Variants in TMEM116 observed in about 807,000 individuals in gnomAD.
The protein encoded by TMEM116 is transmembrane protein 116.
TMEM116 carries 38 observed loss-of-function variants against 44.3 expected under a neutral mutation model. That is an observed-to-expected ratio of 0.86 (90% confidence interval 0.66 to 1.12). The LOEUF (loss-of-function observed/expected upper bound fraction) is 1.12, where lower values mean the gene tolerates loss of function less well. TMEM116 is among the 50% of genes most tolerant of loss of function. The pLI, the probability that TMEM116 is intolerant of heterozygous loss-of-function variation, is 0.00. For synonymous variants in TMEM116, 132 were observed against 144.8 expected (o/e 0.91, Z 0.64); for missense variants, 354 against 401.7 (o/e 0.88, Z 1.01).
rs767591604 is a variant in TMEM116, at chr12:112,005,237, A to G, written c.14+20T>C. On this transcript the variant is annotated intron_variant, in intron 2 of 10. Transcript: ENST00000552374. ...ACTTTGCTTATACTAGTTTAGTTAT[A>G]TGAGATTAAATAAACATACCTCAGA... 5 of 1,374,088 alleles carry G rather than the reference A, an allele frequency of 3.6e-6. No homozygotes were observed. The South Asian group carries it at 8.5e-5, about 23-fold the overall frequency. The allele number at this position is 1,374,088 out of a possible 1,614,324, so 85.1% of individuals were successfully genotyped here. A position where few individuals can be genotyped will look rare whatever the true frequency, so the allele number is the denominator to read the frequency against.
At chr12:111,954,843 C>G (rs768665599) in intron 4 of TMEM116, among the ~76,000 whole-genome samples, 5 of 152,226 alleles carry the variant, frequency 3.3e-5, no homozygotes, top group Admixed American at 6.5e-5. Flanking sequence ...GAAAGGCTGA[C>G]TGGGACAGTG....
At position 111,931,318 on chromosome 12, in the gene TMEM116, A is replaced by AT; in HGVS notation, c.*302dup. 1 of 322,512 alleles carries AT rather than the reference A, an allele frequency of 3.1e-6. No individual in the cohort carries two copies. Among genetic ancestry groups the AT allele is most frequent in the Non-Finnish European group, 5.7e-6 (1 of 175,362 alleles). 20.0% of individuals were successfully genotyped at this position (322,512 alleles called of 1,614,324 possible). ...ACATATAAATAATAATCTAGAATTT[A>AT]TTTTTTCTAGAAGAGACTTAGACAA... On this transcript the variant is annotated 3_prime_UTR_variant, in exon 11 of 11. Coordinates refer to ENST00000552374, the MANE Select transcript of TMEM116 (RefSeq NM_001193531.2).
At chr12:111,975,944 T>A (rs1455568158) in intron 4 of TMEM116, among the ~76,000 whole-genome samples, 1 of 152,224 alleles carries the variant, frequency 6.6e-6, no homozygotes, top group Non-Finnish European at 1.5e-5. Context: ...AGTGTAATTA[T>A]AACTGAGAGA....
chr12:111,957,457 A>C (rs1171695826), intron 4 of TMEM116, among the ~76,000 whole-genome samples: 1 of 147,432 alleles, frequency 6.8e-6, no homozygotes, highest in Non-Finnish European at 1.5e-5. Context: ...GGAAGTGAGG[A>C]GCGTCTACGC....
chr12:111,980,787 A>G (rs2075892009), intron 4 of TMEM116, among the ~76,000 whole-genome samples: 1 of 152,212 alleles, frequency 6.6e-6, no homozygotes, highest in South Asian at 2.1e-4. Context: ...GATAAAAAAT[A>G]TATCAGCCTG....
intron 1 of TMEM116, among the ~76,000 whole-genome samples, chr12:112,009,535 T>TTA (rs1196309926): frequency 4.0e-5 from 5 of 125,792 alleles, no homozygotes; most frequent in African/African-American, 1.5e-4. Context: ...TGGGTTTACT[T>TTA]AAAAAAAAAA....
At chr12:111,972,740 G>C (rs914460014) in intron 4 of TMEM116, among the ~76,000 whole-genome samples, 1 of 152,172 alleles carries the variant, frequency 6.6e-6, no homozygotes, top group Non-Finnish European at 1.5e-5. Context: ...TTAGCCAGGT[G>C]TGGTGGCGTG....
chr12:112,012,038 A>T lies in TMEM116; in HGVS notation c.-34+964T>A, dbSNP rs183596516. 2.6e-5 allele frequency: 4 copies of T among 152,428 alleles called. No homozygotes were observed. The East Asian group carries it at 5.8e-4, about 22-fold the overall frequency. 9.4% of individuals were successfully genotyped at this position (152,428 alleles called of 1,614,324 possible). On this transcript the variant is annotated intron_variant, in intron 1 of 10. Coordinates refer to ENST00000552374, the MANE Select transcript of TMEM116 (RefSeq NM_001193531.2). ...GCCCCATGGAAGCTCAGTAATAATC[A>T]ATCAAAATAAAAAAGAGCGGCAGCA...
chr12:111,989,008 CA>C (rs1237752107), intron 4 of TMEM116, among the ~76,000 whole-genome samples: 1 of 149,068 alleles, frequency 6.7e-6, no homozygotes, highest in East Asian at 1.9e-4. Flanking sequence ...AAAAACAAAA[CA>C]AAAACAAAAA....
chr12:112,008,583 A>G (rs969019188), intron 1 of TMEM116, among the ~76,000 whole-genome samples: 3 of 152,282 alleles, frequency 2.0e-5, no homozygotes, highest in South Asian at 2.1e-4. Flanking sequence ...TATTCATAAA[A>G]TTGCTATCAT....
At position 111,940,567 on chromosome 12, in the gene TMEM116, G is replaced by GTA. The variant is rs138347540; in HGVS notation, c.316-2359_316-2358dup. On this transcript the variant is annotated intron_variant, in intron 5 of 10. Transcript: ENST00000552374. ...TATACACACACACATATATATGTGT[G>GTA]TATATATATATATATATCTTCGGCT... is the stretch of plus-strand genomic sequence containing the variant. Among the ~76,000 whole-genome samples the GTA allele has an allele frequency of 9.7e-3, 1,266 of 130,120 alleles. 16 individuals carry two copies. The highest frequency in any genetic ancestry group is 0.019 in the South Asian group (76 of 4,050). The allele number at this position is 130,120 out of a possible 152,430, so 85.4% of individuals were successfully genotyped here.
rs150937986 is a variant in TMEM116, at chr12:111,983,561, C to T, written c.210+8197G>A. 4.6e-5 allele frequency among the ~76,000 whole-genome samples: 7 copies of T among 152,186 alleles called. No homozygotes were observed. In the East Asian group the frequency reaches 1.4e-3, roughly 29 times the overall value. ...GCAATGAGCTGTGACTGAACCACTG[C>T]ACTCCAGCCTGGGAGACAGAGCAAG... is the stretch of plus-strand genomic sequence containing the variant. On this transcript the variant is annotated intron_variant, in intron 4 of 10. Transcript: ENST00000552374.
rs1325451368 is a variant in TMEM116, at chr12:111,991,875, A to C, written c.93T>G (p.Phe31Leu). 2.0e-6 allele frequency: 3 copies of C among 1,535,494 alleles called. No individual in the cohort carries two copies. The African/African-American group carries it at 4.1e-5, about 21-fold the overall frequency. ...GGAGCAGGTCACAGAAGCTCAGATA[A>C]AAAAGTGGTCTTATCTGTCAAAGTA... The part of the protein sequence containing the change: ...IQKSPEIRPL[F>L]YLSFCDLLLG... The change falls in exon 4 of 11, where the codon TTT becomes TTG. Residue 31 changes from phenylalanine (F) to leucine (L), a missense_variant. Phe to Leu is a conservative substitution (Grantham distance 22, BLOSUM62 0). Transcript: ENST00000552374.
At chr12:111,976,756 T>C (rs555634328) in intron 4 of TMEM116, among the ~76,000 whole-genome samples, 100 of 152,146 alleles carry the variant, frequency 6.6e-4, no homozygotes, top group African/African-American at 2.4e-3. Context: ...AGATAGTTAA[T>C]GTAAAAATGG....
chr12:111,978,096 T>A (rs2075763443), intron 4 of TMEM116, among the ~76,000 whole-genome samples: 1 of 146,230 alleles, frequency 6.8e-6, no homozygotes, highest in African/African-American at 2.6e-5. Flanking sequence ...ACTGTTAGAG[T>A]AGATTAAAAA....
chr12:111,981,051 C>T (rs1290658309), intron 4 of TMEM116, among the ~76,000 whole-genome samples: 3 of 145,216 alleles, frequency 2.1e-5, no homozygotes, highest in Admixed American at 7.0e-5. Flanking sequence ...GGTAACAGAG[C>T]GAGACACTGT....
intron 2 of TMEM116, among the ~76,000 whole-genome samples, chr12:112,004,321 G>C (rs1461571731): frequency 1.3e-5 from 2 of 151,150 alleles, no homozygotes; most frequent in African/African-American, 4.9e-5. Context: ...GTCTCCTTCT[G>C]TCACCCAGGC....
intron 3 of TMEM116, among the ~76,000 whole-genome samples, chr12:111,994,276 A>G (rs1462505304): frequency 2.0e-5 from 3 of 152,128 alleles, no homozygotes; most frequent in African/African-American, 7.2e-5. Flanking sequence ...AAGATAACCA[A>G]GACACTCTTG....
At chr12:111,942,555 A>C (rs1158531807) in intron 5 of TMEM116, among the ~76,000 whole-genome samples, 4 of 152,172 alleles carry the variant, frequency 2.6e-5, no homozygotes, top group Non-Finnish European at 2.9e-5. Flanking sequence ...TATAGGCATA[A>C]GCCACTGCGC....
Sources: gnomAD v4.1 joint callset for allele counts (sites outside exome capture counted in the v4.1 genomes callset) on GRCh38, gnomAD v4.1.1 for gene constraint, MANE v1.5 for transcripts, NCBI Gene and HGNC (gene_info 2026-07-23, HGNC 2026-07-21) for gene names.